The following SH3RF1 variants were observed in gnomAD, a reference collection of about 807,000 sequenced individuals.
The protein encoded by SH3RF1 is E3 ubiquitin-protein ligase SH3RF1.
A neutral mutation model predicts 74.0 loss-of-function variants in SH3RF1; 32 were observed. The observed-to-expected ratio is 0.43, with a 90% CI of 0.33 to 0.58. The LOEUF is 0.58. Among genes scored for constraint, SH3RF1 ranks in the 20% least tolerant of loss-of-function variants. The pLI is 0.05. For missense variants in SH3RF1, 954 were observed against 1,130.9 expected (o/e 0.84, Z 2.24); for synonymous variants, 396 against 439.6 (o/e 0.90, Z 1.24).
chr4:169,253,458 T>C (rs1309560699), intron 2 of SH3RF1, among the ~76,000 whole-genome samples: 3 of 152,226 alleles, frequency 2.0e-5, no homozygotes, highest in Admixed American at 2.0e-4. Flanking sequence ...ATGTTTCATA[T>C]CACAGCTGGC....
At chr4:169,163,063 G>A (rs1023087817) in intron 2 of SH3RF1, among the ~76,000 whole-genome samples, 3 of 150,848 alleles carry the variant, frequency 2.0e-5, no homozygotes, top group Admixed American at 6.6e-5. Context: ...GCTGTTTTGC[G>A]GGGGGCATTA....
intron 2 of SH3RF1, among the ~76,000 whole-genome samples, chr4:169,225,031 T>C (rs910468186): frequency 1.3e-5 from 2 of 152,074 alleles, no homozygotes; most frequent in Non-Finnish European, 2.9e-5. Context: ...GGAGACCAGC[T>C]CAGACAGAGA....
chr4:169,143,997 G>A (rs187975374), intron 4 of SH3RF1, among the ~76,000 whole-genome samples: 19 of 152,298 alleles, frequency 1.2e-4, no homozygotes, highest in Admixed American at 3.9e-4. Flanking sequence ...ACTTCACACC[G>A]AAAGGTTTAG....
At chr4:169,110,645 T>C (rs1733227966) in intron 10 of SH3RF1, among the ~76,000 whole-genome samples, 1 of 151,886 alleles carries the variant, frequency 6.6e-6, no homozygotes, top group Non-Finnish European at 1.5e-5. Context: ...ATAGGAAAGG[T>C]CCTAAAACAC....
intron 2 of SH3RF1, among the ~76,000 whole-genome samples, chr4:169,172,800 C>T (rs1734354258): frequency 6.6e-6 from 1 of 152,048 alleles, no homozygotes; most frequent in South Asian, 2.1e-4. Context: ...TAGAACAAAG[C>T]AAGCGAAGAA....
intron 2 of SH3RF1, among the ~76,000 whole-genome samples, chr4:169,253,408 C>G (rs1174180051): frequency 6.6e-6 from 1 of 152,182 alleles, no homozygotes; most frequent in Non-Finnish European, 1.5e-5. Flanking sequence ...AGAATCCAGC[C>G]TTGCAGCTTT....
In SH3RF1 at chr4:169,269,176, G is replaced by A; in HGVS notation, c.37C>T (p.Pro13Ser). Residue 13 changes from proline to serine, a missense_variant, in exon 2 of 12, where the codon CCG becomes TCG. Around this residue, in one of 3 missense-constraint regions of SH3RF1, gnomAD observed 64 missense variants for 101.9 expected, o/e 0.63. Transcript: ENST00000284637. ...GCATCAAGGCGCTCTAGACACACCG[G>A]ACACTCCAAAAGATCCAACAAGGCT... ...ESALLDLLEC[P>S]VCLERLDASA... The A allele has an allele frequency of 6.2e-7, 1 of 1,604,708 alleles. No homozygotes were observed. The highest frequency in any genetic ancestry group is 8.5e-7 in the Non-Finnish European group (1 of 1,177,948).
chr4:169,144,146 T>C (rs867820228), intron 4 of SH3RF1, among the ~76,000 whole-genome samples: 1 of 152,136 alleles, frequency 6.6e-6, no homozygotes, highest in Admixed American at 6.5e-5. Flanking sequence ...TGGGCATGGG[T>C]TAAAGTGCTC....
chr4:169,213,006 G>C (rs770227271), intron 2 of SH3RF1, among the ~76,000 whole-genome samples: 14 of 152,172 alleles, frequency 9.2e-5, no homozygotes, highest in Non-Finnish European at 1.8e-4. Flanking sequence ...ATATCCATGT[G>C]CAGGTTTTTG....
At chr4:169,269,632 C>T (rs1351532512) in intron 1 of SH3RF1, 1 of 157,280 alleles carries the variant, frequency 6.4e-6, no homozygotes, top group South Asian at 2.0e-4. Flanking sequence ...AAAGTGGTAT[C>T]AGCTGCCTTA....
At chr4:169,135,846 T>G (rs375504815) in intron 5 of SH3RF1, among the ~76,000 whole-genome samples, 1 of 152,236 alleles carries the variant, frequency 6.6e-6, no homozygotes, top group African/African-American at 2.4e-5. Flanking sequence ...AAATGCTTCT[T>G]TCTGTCCTTG....
At chr4:169,146,232 C>CGT (rs1554005769) in intron 4 of SH3RF1, among the ~76,000 whole-genome samples, 1 of 132,632 alleles carries the variant, frequency 7.5e-6, no homozygotes, top group Non-Finnish European at 1.6e-5. Flanking sequence ...TATATATATA[C>CGT]TTTTTTTTTT....
At chr4:169,212,127 C>T (rs1387389199) in intron 2 of SH3RF1, among the ~76,000 whole-genome samples, 3 of 130,196 alleles carry the variant, frequency 2.3e-5, no homozygotes, top group Admixed American at 9.6e-5. Flanking sequence ...TGCAATGGCA[C>T]GATATCAGCT....
At chr4:169,182,076 G>A (rs1455594411) in intron 2 of SH3RF1, among the ~76,000 whole-genome samples, 1 of 152,168 alleles carries the variant, frequency 6.6e-6, no homozygotes, top group Non-Finnish European at 1.5e-5. Context: ...AGAAATAAAT[G>A]GAGATTTTGT....
rs1240195918 is a variant in SH3RF1 at position 169,218,641 on chromosome 4, G to GAACA, written c.393+50175_393+50178dup. 3.3e-5 allele frequency among the ~76,000 whole-genome samples: 5 copies of GAACA among 151,706 alleles called. 1 individual carries two copies. The South Asian group carries it at 1.0e-3, about 32-fold the overall frequency. The stretch of plus-strand genomic sequence containing the variant: ...CAGCTGCAGACCAGGGACCAAAAGT[G>GAACA]AACACCACCATCTCAATCTAAAATG... On this transcript the variant is annotated intron_variant, in intron 2 of 11. Coordinates refer to ENST00000284637, the MANE Select transcript of SH3RF1 (RefSeq NM_020870.4).
rs1217007055 is a variant in SH3RF1, at chr4:169,116,447, G to C, written c.1961C>G (p.Ala654Gly). 1 of 1,614,048 alleles carries C rather than the reference G, an allele frequency of 6.2e-7. No homozygotes were observed. The highest frequency in any genetic ancestry group is 8.5e-7 in the Non-Finnish European group (1 of 1,179,980). ...AGCAGCTGCTGCACAGGCCAGAGGG[G>C]CACTGGCTCGACTGATACTGATGGC... is the stretch of plus-strand genomic sequence containing the variant. ...TAAISISRAS[A>G]PLACAAAAPL... is the part of the protein sequence containing the mutation. Residue 654 changes from alanine (A) to glycine (G), a missense_variant, in exon 10 of 12, where the codon GCC (alanine) becomes GGC (glycine). Physicochemically the swap from Ala to Gly is moderately conservative, Grantham distance 60. This residue lies in a region of SH3RF1 where 854 missense variants were observed against 962.5 expected (regional missense o/e 0.89). Coordinates refer to ENST00000284637, the MANE Select transcript of SH3RF1 (RefSeq NM_020870.4).
At chr4:169,263,504 C>G (rs1731311505) in intron 2 of SH3RF1, among the ~76,000 whole-genome samples, 1 of 152,218 alleles carries the variant, frequency 6.6e-6, no homozygotes, top group Non-Finnish European at 1.5e-5. Flanking sequence ...TCCCACGGCA[C>G]AGTTCACAGC....
At chr4:169,231,536 T>A (rs897506041) in intron 2 of SH3RF1, among the ~76,000 whole-genome samples, 2 of 152,266 alleles carry the variant, frequency 1.3e-5, no homozygotes, top group South Asian at 2.1e-4. Flanking sequence ...ACTGCTCTCC[T>A]GTCTGGGTGA....
chr4:169,229,948 G>A (rs1292653431), intron 2 of SH3RF1, among the ~76,000 whole-genome samples: 2 of 148,292 alleles, frequency 1.3e-5, no homozygotes, highest in African/African-American at 5.1e-5. Context: ...GCTCATGCCT[G>A]TAATCCCAAC....
Sources: gnomAD v4.1 joint callset for allele counts (sites outside exome capture counted in the v4.1 genomes callset) on GRCh38, gnomAD v4.1.1 for gene constraint, gnomAD v4.1.1 regional missense constraint, MANE v1.5 for transcripts, NCBI Gene and HGNC (gene_info 2026-07-23, HGNC 2026-07-21) for gene names.